Variants in ICA1 observed in about 807,000 individuals in gnomAD.
ICA1 encodes the protein islet cell autoantigen 1, also known as 69 kDa islet cell autoantigen.
Under a neutral mutation model 71.0 loss-of-function variants are expected in ICA1, and 40 were observed. The observed-to-expected ratio is 0.56, with a 90% CI of 0.44 to 0.73. ICA1 has a LOEUF of 0.73. Ranked by LOEUF, ICA1 falls within the 30% of genes least tolerant of loss-of-function variation. ICA1 has a pLI of 0.00. For missense variants in ICA1, 578 were observed against 576.5 expected (o/e 1.00, Z -0.03); for synonymous variants, 207 against 209.5 (o/e 0.99, Z 0.10).
intron 8 of ICA1, among the ~76,000 whole-genome samples, chr7:8,152,880 TCCA>T (rs1281376390): frequency 2.0e-4 from 3 of 14,750 alleles, no homozygotes; most frequent in African/African-American, 4.4e-4. Flanking sequence ...CACCATCACC[TCCA>T]CCACCACTAC....
intron 13 of ICA1, among the ~76,000 whole-genome samples, chr7:8,115,903 T>G (rs1296617887): frequency 2.6e-5 from 4 of 152,226 alleles, no homozygotes; most frequent in Non-Finnish European, 5.9e-5. Context: ...TATTTGGTGG[T>G]GGCAATGGTA....
At chr7:8,152,779 T>TCACCTCCTCCGC (rs1799715445) in intron 8 of ICA1, among the ~76,000 whole-genome samples, 1 of 54,620 alleles carries the variant, frequency 1.8e-5, no homozygotes, top group Non-Finnish European at 3.7e-5. Flanking sequence ...CCCACCACTA[T>TCACCTCCTCCGC]CACCATCACC....
At chr7:8,189,789 G>A (rs1562922259) in intron 6 of ICA1, among the ~76,000 whole-genome samples, 1 of 151,588 alleles carries the variant, frequency 6.6e-6, no homozygotes. Context: ...GGGCAGGGGG[G>A]CTGGGCAGGG....
chr7:8,143,306 A>G (rs1442445333), intron 9 of ICA1, among the ~76,000 whole-genome samples: 1 of 152,222 alleles, frequency 6.6e-6, no homozygotes. Flanking sequence ...GGGGCATGAA[A>G]TGGAGATGGA....
In ICA1 at chr7:8,181,961, C is replaced by T. The variant is rs546202310; in HGVS notation, c.580-23309G>A. ...GGAGCAATGTTCTTTGAACCTGCTC[C>T]TTTATGATCTAATTAAAGCTAATGG... is the stretch of plus-strand genomic sequence containing the variant. On this transcript the variant is annotated intron_variant, in intron 6 of 13. Transcript: ENST00000402384. Among the ~76,000 whole-genome samples the T allele has an allele frequency of 5.3e-5, 8 of 152,248 alleles. 1 individual carries two copies. Among genetic ancestry groups the T allele is most frequent in the African/African-American group, 1.9e-4 (8 of 41,558 alleles).
intron 6 of ICA1, among the ~76,000 whole-genome samples, chr7:8,204,486 C>A (rs991877631): frequency 6.6e-6 from 1 of 152,126 alleles, no homozygotes; most frequent in Non-Finnish European, 1.5e-5. Flanking sequence ...AGAACTTTAC[C>A]AATATTTAAT....
chr7:8,189,524 G>T (rs1784894794), intron 6 of ICA1, among the ~76,000 whole-genome samples: 1 of 152,192 alleles, frequency 6.6e-6, no homozygotes, highest in African/African-American at 2.4e-5. Flanking sequence ...TGGCTATTGG[G>T]AATGCAGAAT....
At chr7:8,169,336 T>A (rs1415705159) in intron 6 of ICA1, among the ~76,000 whole-genome samples, 2 of 152,168 alleles carry the variant, frequency 1.3e-5, no homozygotes, top group African/African-American at 4.8e-5. Context: ...TGAGCAAAAG[T>A]CTTTGTGTAA....
At chr7:8,158,680 T>A in intron 6 of ICA1, 28 bp from the exon 7 acceptor site, 1 of 1,613,142 alleles carries the variant, frequency 6.2e-7, no homozygotes, top group East Asian at 2.2e-5. Flanking sequence ...AATTTCTGAA[T>A]CACCCTAACC....
intron 7 of ICA1, chr7:8,157,741 C>G (rs1022083697): frequency 4.2e-5 from 6 of 143,060 alleles, no homozygotes; most frequent in African/African-American, 7.8e-5. Context: ...GTCGCTCAGG[C>G]TGGAGTGCAG....
intron 6 of ICA1, among the ~76,000 whole-genome samples, chr7:8,196,045 A>C (rs767916234): frequency 1.3e-4 from 20 of 152,146 alleles, no homozygotes; most frequent in Non-Finnish European, 2.9e-4. Flanking sequence ...AATTCCACAT[A>C]AGAACCTATA....
Position 8,222,870 on chromosome 7 carries a change from C to T in ICA1, c.257-1472G>A, listed in dbSNP as rs928965168. Among the ~76,000 whole-genome samples the T allele has an allele frequency of 6.6e-6, 1 of 152,204 alleles. No individual in the cohort carries two copies. Among genetic ancestry groups the T allele is most frequent in the African/African-American group, 2.4e-5 (1 of 41,456 alleles). ...ACCTTGTGTGACTGGGCATGTGTCT[C>T]TCTTCCCCAGGGGGCTCTAAGCTTT... On this transcript the variant is annotated intron_variant, in intron 4 of 13. Transcript: ENST00000402384. This position sits in a 1 kb window ranked among gnomAD's most constrained non-coding sequence, Gnocchi z 4.8.
In ICA1 at chr7:8,234,900, T is replaced by G. The variant is rs1801364981; in HGVS notation, c.17+1010A>C. Among the ~76,000 whole-genome samples the G allele has an allele frequency of 6.6e-6, 1 of 152,094 alleles. No individual in the cohort carries two copies. Among genetic ancestry groups the G allele is most frequent in the Non-Finnish European group, 1.5e-5 (1 of 68,030 alleles). ...GATTTCTTTGGCCGGGCGCGGTGGC[T>G]CATGCCTGTAATCCCAGCACTTTGG... On this transcript the variant is annotated intron_variant, in intron 2 of 13. Transcript: ENST00000402384. The surrounding 1 kb of genome is among the most constrained non-coding windows in gnomAD (Gnocchi z 4.5).
intron 6 of ICA1, among the ~76,000 whole-genome samples, chr7:8,192,162 A>G (rs962031064): frequency 1.3e-5 from 2 of 152,252 alleles, no homozygotes; most frequent in Non-Finnish European, 2.9e-5. Context: ...ATGTTATCTA[A>G]TATTACAGAC....
intron 1 of ICA1, among the ~76,000 whole-genome samples, chr7:8,258,279 T>C (rs1342483760): frequency 6.6e-6 from 1 of 152,208 alleles, no homozygotes; most frequent in Admixed American, 6.5e-5. Flanking sequence ...GTGTAGCTCA[T>C]GGCACATATA....
chr7:8,157,276 AG>A, intron 7 of ICA1, 62 bp from the exon 8 acceptor site: 1 of 1,444,268 alleles, frequency 6.9e-7, no homozygotes, highest in Non-Finnish European at 9.4e-7. Context: ...CCTGGTCCCC[AG>A]GGAAGTATGA....
At chr7:8,165,270 G>C (rs6463779) in intron 6 of ICA1, among the ~76,000 whole-genome samples, 27,233 of 152,060 alleles carry the variant, frequency 0.18, 4,826 homozygotes, top group African/African-American at 0.46. Context: ...TATCATATAT[G>C]CATCCACTCA....
rs561571218 is a variant in ICA1, at chr7:8,134,179, C to T, written c.1060+4661G>A. ...GGCAGAAAGGCTGAGATGACAGATC[C>T]ATTCAGCATGTTTGCCCTGTACTGC... On this transcript the variant is annotated intron_variant, in intron 12 of 13. Coordinates refer to ENST00000402384, the MANE Select transcript of ICA1 (RefSeq NM_001136020.3). Among the ~76,000 whole-genome samples, 50 of 152,278 alleles carry T rather than the reference C, an allele frequency of 3.3e-4. No homozygotes were observed. In the South Asian group the frequency reaches 0.01, roughly 31 times the overall value.
chr7:8,226,926 G>A lies in ICA1; in HGVS notation c.256+1675C>T, dbSNP rs1044443698. ...TCTTTTAGAAACACTAATATACGTA[G>A]GAAGCATAATTTCTGTTTAGAGAAT... On this transcript the variant is annotated intron_variant, in intron 4 of 13. Coordinates refer to ENST00000402384, the MANE Select transcript of ICA1 (RefSeq NM_001136020.3). The surrounding 1 kb of genome is among the most constrained non-coding windows in gnomAD (Gnocchi z 4.4). Among the ~76,000 whole-genome samples the A allele has an allele frequency of 3.9e-5, 6 of 152,076 alleles. No homozygotes were observed. Among genetic ancestry groups the A allele is most frequent in the Admixed American group, 2.0e-4 (3 of 15,272 alleles).
Sources: allele counts gnomAD v4.1 joint callset (sites outside exome capture counted in the v4.1 genomes callset), GRCh38; gene constraint gnomAD v4.1.1; non-coding constraint Gnocchi (gnomAD v3.1); transcripts MANE v1.5; gene names NCBI Gene and HGNC (gene_info 2026-07-23, HGNC 2026-07-21).